ABI3BP: variants seen among roughly 807,000 people sequenced by gnomAD.
The protein encoded by ABI3BP is ABI family member 3 binding protein, also known as target of Nesh-SH3.
A neutral mutation model predicts 268.6 loss-of-function variants in ABI3BP; 216 were observed. The observed-to-expected ratio is 0.80, with a 90% CI of 0.72 to 0.90. ABI3BP has a LOEUF of 0.90. Ranked by LOEUF, ABI3BP falls within the 40% of genes least tolerant of loss-of-function variation. The probability of loss-of-function intolerance (pLI) is 0.00; values close to 1 mark genes in which losing one functional copy is unlikely to be tolerated. For missense variants in ABI3BP, 2,090 were observed against 2,182.4 expected, an observed-to-expected ratio of 0.96 and a Z score of 0.84; for synonymous variants, 730 against 730.0, an observed-to-expected ratio of 1.00 and a Z score of 0.00.
intron 4 of ABI3BP, among the ~76,000 whole-genome samples, chr3:100,895,929 A>C (rs1164208352): frequency 2.0e-5 from 3 of 152,150 alleles, no homozygotes; most frequent in African/African-American, 7.2e-5. Flanking sequence ...TTTTTCCTCA[A>C]ACATCACAAA....
intron 2 of ABI3BP, among the ~76,000 whole-genome samples, chr3:100,917,086 A>C (rs1003714994): frequency 6.6e-6 from 1 of 152,172 alleles, no homozygotes; most frequent in Non-Finnish European, 1.5e-5. Flanking sequence ...TATTTTTACT[A>C]TAGGCAACTA....
chr3:100,754,782 A>C, intron 63 of ABI3BP, 91 bp from the exon 64 acceptor site: 1 of 1,023,658 alleles, frequency 9.8e-7, no homozygotes, highest in East Asian at 2.6e-5. Flanking sequence ...CACTATACTG[A>C]CATCCCTTTG....
intron 2 of ABI3BP, among the ~76,000 whole-genome samples, chr3:100,918,620 T>C (rs1303311291): frequency 6.6e-6 from 1 of 152,012 alleles, no homozygotes; most frequent in Non-Finnish European, 1.5e-5. Flanking sequence ...AAAGTAGGAC[T>C]TGATGGATGG....
chr3:100,789,080 T>C (rs2097128479), intron 56 of ABI3BP, among the ~76,000 whole-genome samples: 1 of 152,110 alleles, frequency 6.6e-6, no homozygotes, highest in African/African-American at 2.4e-5. Context: ...AACAAGAGCT[T>C]TCCTGTGCTG....
intron 1 of ABI3BP, among the ~76,000 whole-genome samples, chr3:100,965,535 A>G (rs2080961536): frequency 6.6e-6 from 1 of 151,914 alleles, no homozygotes; most frequent in Non-Finnish European, 1.5e-5. Context: ...GAAGTATTCA[A>G]TTAACCATCA....
chr3:100,772,485 G>A (rs1165347411), intron 61 of ABI3BP, among the ~76,000 whole-genome samples: 1 of 152,180 alleles, frequency 6.6e-6, no homozygotes, highest in East Asian at 1.9e-4. Flanking sequence ...GTAAAGCTAT[G>A]CTAGTGTGAG....
At chr3:100,993,164 C>G (rs181365624) in intron 1 of ABI3BP, 142 bp downstream of exon 1, 134 of 552,520 alleles carry the variant, frequency 2.4e-4, no homozygotes, top group African/African-American at 2.4e-3. Context: ...TTTAAGAGAC[C>G]CCTTCACACA....
chr3:100,753,763 C>A, intron 65 of ABI3BP, 56 bp downstream of exon 65: 2 of 1,579,046 alleles, frequency 1.3e-6, no homozygotes, highest in Non-Finnish European at 8.7e-7. Context: ...CATGCCTGTT[C>A]AGTTGAATAA....
At chr3:100,763,566 C>T (rs948758332) in intron 63 of ABI3BP, among the ~76,000 whole-genome samples, 2 of 152,046 alleles carry the variant, frequency 1.3e-5, no homozygotes, top group African/African-American at 4.8e-5. Context: ...TCAGAAGGCC[C>T]ACTGACAAAA....
Position 100,780,168 on chromosome 3 carries a change from C to T in ABI3BP, c.4204G>A (p.Val1402Ile). ...GTGGGGTGGGTAGAGTCCACTGATA[C>T]ATTTCTATCAGCACCTGATGGCCTG... ...APRPSGADRN[V>I]SVDSTHPTKK... The change falls in exon 58 of 68, where the codon GTA becomes ATA. Residue 1402 changes from valine (V) to isoleucine (I), a missense_variant. Transcript: ENST00000471714. 1 of 1,613,050 alleles carries T rather than the reference C, an allele frequency of 6.2e-7. No individual in the cohort carries two copies. Among genetic ancestry groups the T allele is most frequent in the Non-Finnish European group, 8.5e-7 (1 of 1,179,240 alleles).
At chr3:100,847,903 T>G (rs2098791344) in intron 18 of ABI3BP, among the ~76,000 whole-genome samples, 1 of 152,202 alleles carries the variant, frequency 6.6e-6, no homozygotes, top group East Asian at 1.9e-4. Flanking sequence ...CAAGCATGAT[T>G]CTGAGTATAT....
chr3:100,786,954 T>G (rs2097068163), intron 57 of ABI3BP, among the ~76,000 whole-genome samples: 1 of 152,136 alleles, frequency 6.6e-6, no homozygotes, highest in African/African-American at 2.4e-5. Context: ...TTCACATCTC[T>G]TTTTCATTAG....
In ABI3BP at chr3:100,990,215, A is replaced by G. The variant is rs145639578; in HGVS notation, c.79+3091T>C. 1.5e-3 allele frequency among the ~76,000 whole-genome samples: 230 copies of G among 152,322 alleles called. 2 individuals are homozygous for G. The highest frequency in any genetic ancestry group is 2.7e-3 in the Non-Finnish European group (184 of 68,024). ...CAAGATCATGTGTTATTCGGTGTGC[A>G]TGTTTTTCAACATTGATCCCCTTTT... On this transcript the variant is annotated intron_variant, in intron 1 of 67. Coordinates refer to ENST00000471714, the MANE Select transcript of ABI3BP (RefSeq NM_001375547.2).
intron 1 of ABI3BP, chr3:100,945,561 T>G (rs2071727925): frequency 2.4e-6 from 1 of 412,968 alleles, no homozygotes. Flanking sequence ...TTCTGGTAAT[T>G]AAATATAAAT....
chr3:100,876,402 C>G (rs572060305), intron 7 of ABI3BP, 110 bp downstream of exon 7: 1 of 917,036 alleles, frequency 1.1e-6, no homozygotes, highest in East Asian at 3.0e-5. Context: ...AACTTTTTCT[C>G]AAAAAAAAAA....
intron 62 of ABI3BP, among the ~76,000 whole-genome samples, chr3:100,770,193 TG>T (rs2096497068): frequency 6.6e-6 from 1 of 152,246 alleles, no homozygotes; most frequent in African/African-American, 2.4e-5. Flanking sequence ...AGAATCAGAC[TG>T]TTGTATAACA....
intron 2 of ABI3BP, among the ~76,000 whole-genome samples, chr3:100,921,804 G>A (rs894599885): frequency 5.3e-5 from 8 of 152,186 alleles, no homozygotes; most frequent in Admixed American, 1.3e-4. Flanking sequence ...TAATAGATAG[G>A]TATTAAATGT....
chr3:100,801,503 T>C (rs141292425), intron 51 of ABI3BP, among the ~76,000 whole-genome samples: 1 of 149,192 alleles, frequency 6.7e-6, no homozygotes, highest in East Asian at 2.0e-4. Context: ...CAATGGCATA[T>C]ATAAGCTTAA....
At chr3:100,948,074 G>A (rs1250455106) in intron 1 of ABI3BP, among the ~76,000 whole-genome samples, 1 of 152,172 alleles carries the variant, frequency 6.6e-6, no homozygotes, top group African/African-American at 2.4e-5. Flanking sequence ...TGGATTTAAA[G>A]ATCCTAAACA....
Sources: gnomAD v4.1 joint callset for allele counts (sites outside exome capture counted in the v4.1 genomes callset) on GRCh38, gnomAD v4.1.1 for gene constraint, MANE v1.5 for transcripts, NCBI Gene and HGNC (gene_info 2026-07-23, HGNC 2026-07-21) for gene names.